Variants in UTP18 observed in about 807,000 individuals in gnomAD.
The protein encoded by UTP18 is U3 small nucleolar RNA-associated protein 18 homolog.
A neutral mutation model predicts 61.1 loss-of-function variants in UTP18; 36 were observed. The ratio of observed to expected loss-of-function variants is 0.59; its 90% CI spans 0.45 to 0.78. The LOEUF (loss-of-function observed/expected upper bound fraction) is 0.78. Ranked by LOEUF, UTP18 falls within the 30% of genes least tolerant of loss-of-function variation. The pLI is 0.00. For missense variants in UTP18, 753 were observed against 693.9 expected (o/e 1.09, Z -0.96); for synonymous variants, 282 against 251.1 (o/e 1.12, Z -1.16).
chr17:51,282,074 A>G (rs1418767734), intron 9 of UTP18, among the ~76,000 whole-genome samples: 1 of 152,138 alleles, frequency 6.6e-6, no homozygotes, highest in Non-Finnish European at 1.5e-5. Flanking sequence ...TGTCTATCCC[A>G]AAGGACCATG....
At chr17:51,295,559 A>C (rs552955079) in intron 12 of UTP18, among the ~76,000 whole-genome samples, 22 of 152,034 alleles carry the variant, frequency 1.4e-4, no homozygotes, top group Admixed American at 2.0e-4. Flanking sequence ...ATTGGTCTAT[A>C]TCTCTGTTTT....
chr17:51,284,366 C>T (rs1005606682), intron 9 of UTP18, among the ~76,000 whole-genome samples: 5 of 151,696 alleles, frequency 3.3e-5, no homozygotes, highest in African/African-American at 7.3e-5. Flanking sequence ...TGTGCTTATT[C>T]GTAAGCTTGT....
chr17:51,290,245 A>T (rs1368450427), intron 11 of UTP18, among the ~76,000 whole-genome samples: 2 of 152,054 alleles, frequency 1.3e-5, no homozygotes, highest in Admixed American at 6.5e-5. Flanking sequence ...GTGAAACCCC[A>T]TCTCTACTAA....
chr17:51,275,410 C>T (rs533825925), intron 5 of UTP18, among the ~76,000 whole-genome samples: 13 of 152,194 alleles, frequency 8.5e-5, no homozygotes, highest in African/African-American at 2.9e-4. Flanking sequence ...CAACCTGTGC[C>T]AATTGAAGAA....
Position 51,260,909 on chromosome 17 carries a change from C to A in UTP18, c.325C>A (p.Arg109Ser), listed in dbSNP as rs1340399480. The change falls in exon 1 of 14, where the codon CGT (arginine) becomes AGT (serine). Residue 109 changes from arginine (R) to serine (S), a missense_variant. Transcript: ENST00000225298. ...GAACGACGAGGACGCGTTGCTGCGG[C>A]GTCTGCGAGGCCCGAGGGTGAGGGA... ...VENDEDALLRRLRGPRVQEHE... is the reference protein window; with the variant it reads ...VENDEDALLRSLRGPRVQEHE... 11 of 1,589,184 alleles carry A rather than the reference C, an allele frequency of 6.9e-6. No homozygotes were observed. Among genetic ancestry groups the A allele is most frequent in the East Asian group, 4.7e-5 (2 of 42,924 alleles).
At chr17:51,280,511 A>G (rs1361125048) in intron 9 of UTP18, 32 bp downstream of exon 9, 2 of 1,608,564 alleles carry the variant, frequency 1.2e-6, no homozygotes, top group Admixed American at 1.7e-5. Flanking sequence ...AGCTAAGGAT[A>G]TTTTTACATT....
chr17:51,262,999 C>T (rs922416300), intron 1 of UTP18, among the ~76,000 whole-genome samples: 1 of 152,194 alleles, frequency 6.6e-6, no homozygotes, highest in Non-Finnish European at 1.5e-5. Context: ...ATCTTTTGTT[C>T]TTGTCTTACT....
chr17:51,288,481 T>TA (rs1307779650), intron 11 of UTP18: 5 of 485,544 alleles, frequency 1.0e-5, no homozygotes, highest in Non-Finnish European at 2.0e-5. Context: ...GTATTAATGT[T>TA]AAGGACTATA....
chr17:51,266,270 C>T lies in UTP18; in HGVS notation c.544C>T (p.Leu182Phe), dbSNP rs2055560080. The change falls in exon 3 of 14, where the codon CTT becomes TTT. Residue 182 changes from leucine (L) to phenylalanine (F), a missense_variant. Coordinates refer to ENST00000225298, the MANE Select transcript of UTP18 (RefSeq NM_016001.3). ...TTCGAAAGACAACCTTAAAAAGAGA[C>T]TTAAAGAAGAGTAAGTGTCTTTTTT... ...KLSKDNLKKR[L>F]KEEFQHAMGG... The T allele has an allele frequency of 1.2e-5, 19 of 1,593,064 alleles. No individual in the cohort carries two copies. Among genetic ancestry groups the T allele is most frequent in the Non-Finnish European group, 1.5e-5 (18 of 1,172,832 alleles).
At chr17:51,292,694 T>C (rs1346965809) in intron 11 of UTP18, among the ~76,000 whole-genome samples, 1 of 152,230 alleles carries the variant, frequency 6.6e-6, no homozygotes, top group Non-Finnish European at 1.5e-5. Flanking sequence ...TGAGTGTTGT[T>C]ACAATTGTGG....
At chr17:51,288,433 A>T in intron 11 of UTP18, 1 of 519,704 alleles carries the variant, frequency 1.9e-6, no homozygotes, top group Non-Finnish European at 3.5e-6. Context: ...CATTCTCACC[A>T]TTCCTAAAGT....
Position 51,276,346 on chromosome 17 carries a change from T to C in UTP18, c.837+355T>C, listed in dbSNP as rs190839633. On this transcript the variant is annotated intron_variant, in intron 6 of 13. Transcript: ENST00000225298. ...TTCAGTGTACAAGGAACCATAATAATAGGGGATTTGGAGTAAAATTTTTCT... is the reference window on the plus strand; with the variant it reads ...TTCAGTGTACAAGGAACCATAATAACAGGGGATTTGGAGTAAAATTTTTCT... Among the ~76,000 whole-genome samples the C allele has an allele frequency of 2.7e-5, 4 of 150,614 alleles. No homozygotes were observed. In the Admixed American group the frequency reaches 2.7e-4, roughly 10 times the overall value.
intron 2 of UTP18, among the ~76,000 whole-genome samples, chr17:51,263,644 C>T (rs1055109489): frequency 1.3e-5 from 2 of 152,140 alleles, no homozygotes; most frequent in African/African-American, 4.8e-5. Context: ...AGTCAGATCT[C>T]GATTTGCCTC....
In UTP18 at chr17:51,296,612, C is replaced by G. The variant is rs114376272; in HGVS notation, c.1647-353C>G. 4.1e-4 allele frequency: 77 copies of G among 186,850 alleles called. 1 individual carries two copies. The highest frequency in any genetic ancestry group is 1.6e-3 in the African/African-American group (70 of 43,064). The allele number at this position is 186,850 out of a possible 1,614,324, so 11.6% of individuals were successfully genotyped here. On this transcript the variant is annotated intron_variant, in intron 12 of 13. Transcript: ENST00000225298. ...GTGAAATTTTTTTTTCTCTAAGACC[C>G]AAAGGCCATTAGATTTTCCACCAGA...
intron 11 of UTP18, among the ~76,000 whole-genome samples, chr17:51,291,857 A>G (rs926611278): frequency 6.6e-5 from 10 of 152,218 alleles, no homozygotes; most frequent in African/African-American, 2.4e-4. Context: ...CATTCCAGGA[A>G]AGTTGGTGAG....
At chr17:51,272,081 CAT>C (rs1426331479) in intron 4 of UTP18, among the ~76,000 whole-genome samples, 1 of 151,726 alleles carries the variant, frequency 6.6e-6, no homozygotes, top group African/African-American at 2.4e-5. Context: ...ATATATTAAA[CAT>C]AGTTTTTTTT....
At chr17:51,265,032 T>A (rs2055546062) in intron 2 of UTP18, among the ~76,000 whole-genome samples, 2 of 152,154 alleles carry the variant, frequency 1.3e-5, no homozygotes, top group African/African-American at 4.8e-5. Flanking sequence ...TGGAGACTTT[T>A]TAAATAATCT....
chr17:51,269,434 A>C (rs1417403423), intron 4 of UTP18, among the ~76,000 whole-genome samples: 1 of 150,636 alleles, frequency 6.6e-6, no homozygotes, highest in Non-Finnish European at 1.5e-5. Flanking sequence ...TGGATGGCTT[A>C]GCTAAAATCT....
At chr17:51,269,655 A>G (rs1381676424) in intron 4 of UTP18, among the ~76,000 whole-genome samples, 4 of 152,100 alleles carry the variant, frequency 2.6e-5, no homozygotes, top group African/African-American at 4.8e-5. Context: ...GAGTCCATAC[A>G]AAGAGCCAGT....
Sources: allele counts gnomAD v4.1 joint callset (sites outside exome capture counted in the v4.1 genomes callset), GRCh38; gene constraint gnomAD v4.1.1; transcripts MANE v1.5; gene names NCBI Gene and HGNC (gene_info 2026-07-23, HGNC 2026-07-21).